HDAC11: variants seen among roughly 807,000 people sequenced by gnomAD.
HDAC11 encodes the protein histone deacetylase 11.
Under a neutral mutation model 41.1 loss-of-function variants are expected in HDAC11, and 23 were observed. The observed-to-expected ratio is 0.56, with a 90% CI of 0.40 to 0.79. HDAC11 has a LOEUF of 0.79. HDAC11 is among the 30% of genes least tolerant of loss of function. HDAC11 has a pLI of 0.00. For missense variants in HDAC11, 402 were observed against 477.3 expected, an observed-to-expected ratio of 0.84 and a Z score of 1.47; for synonymous variants, 187 against 186.6, an observed-to-expected ratio of 1.00 and a Z score of -0.02.
chr3:13,491,810 C>T (rs1360443988), intron 3 of HDAC11, among the ~76,000 whole-genome samples: 1 of 152,238 alleles, frequency 6.6e-6, no homozygotes, highest in African/African-American at 2.4e-5. Context: ...GGCAGACCTC[C>T]CATGCTCACA....
chr3:13,498,548 C>T lies in HDAC11; in HGVS notation c.405C>T (p.Ile135=). Residue 135 remains isoleucine (I), a synonymous_variant, in exon 5 of 10, where the codon ATC becomes ATT. Coordinates refer to ENST00000295757, the MANE Select transcript of HDAC11 (RefSeq NM_024827.4). ...TGGCTGTGGAGCGAGGCTGGGCCAT[C>T]AACGTGGGTGAGTGCTGGGAATGTC... ...GKLAVERGWA[I]NVGGGFHHCS... is the part of the protein sequence containing the mutation. 6.2e-7 allele frequency: 1 copy of T among 1,610,162 alleles called. No homozygotes were observed. The highest frequency in any genetic ancestry group is 2.2e-5 in the East Asian group (1 of 44,618).
rs76727800 is a variant in HDAC11 at position 13,486,267 on chromosome 3, CAA to C, written c.252+2724_252+2725del. On this transcript the variant is annotated intron_variant, in intron 3 of 9. Transcript: ENST00000295757. Reference sequence around the variant, plus strand: ...GGGCAATAAGAGTGAAACTCCATCTCAAAAAAAAAAAAAAAAAAAAAAGAAAA... The same window carrying C: ...GGGCAATAAGAGTGAAACTCCATCTCAAAAAAAAAAAAAAAAAAAAGAAAA... Among the ~76,000 whole-genome samples, 234 of 65,200 alleles carry C rather than the reference CAA, an allele frequency of 3.6e-3. 1 individual carries two copies. The highest frequency in any genetic ancestry group is 9.9e-3 in the African/African-American group (155 of 15,606). 42.8% of individuals were successfully genotyped at this position (65,200 alleles called of 152,430 possible). A position where few individuals can be genotyped will look rare whatever the true frequency, so the allele number is the denominator to read the frequency against.
At chr3:13,498,107 C>T (rs111310001) in intron 4 of HDAC11, among the ~76,000 whole-genome samples, 1,611 of 152,154 alleles carry the variant, frequency 0.011, 23 homozygotes, top group African/African-American at 0.036. Context: ...CCGCCTGCCT[C>T]GGCCTCCCAA....
intron 4 of HDAC11, among the ~76,000 whole-genome samples, chr3:13,497,861 T>TTC (rs199603381): frequency 0.015 from 2,142 of 141,848 alleles, 121 homozygotes; most frequent in Admixed American, 0.1. Flanking sequence ...TTGCTTTTTT[T>TTC]TTTTTTTTTT....
At position 13,481,302 on chromosome 3, in the gene HDAC11, A is replaced by T. The variant is rs140868232; in HGVS notation, c.59A>T (p.Tyr20Phe). Reference sequence around the variant, plus strand: ...CCAGAGACACGCTGGCCAATCGTGTACTCGCCGCGCTACAACATCACCTTC... The same window carrying T: ...CCAGAGACACGCTGGCCAATCGTGTTCTCGCCGCGCTACAACATCACCTTC... ...HVPETRWPIVYSPRYNITFMG... is the reference protein window; with the variant it reads ...HVPETRWPIVFSPRYNITFMG... Residue 20 changes from tyrosine (Y) to phenylalanine (F), a missense_variant, in exon 2 of 10, where the codon TAC becomes TTC. By Grantham distance (22) the Tyr-to-Phe change is conservative (BLOSUM62 3). Transcript: ENST00000295757. 62 of 1,613,146 alleles carry T rather than the reference A, an allele frequency of 3.8e-5. No individual in the cohort carries two copies. Among genetic ancestry groups the T allele is most frequent in the Non-Finnish European group, 5.0e-5 (59 of 1,180,018 alleles).
intron 3 of HDAC11, among the ~76,000 whole-genome samples, chr3:13,485,473 A>G (rs1035905626): frequency 6.6e-6 from 1 of 152,184 alleles, no homozygotes; most frequent in African/African-American, 2.4e-5. Flanking sequence ...GGAGAAACCA[A>G]AACAGAATGG....
intron 5 of HDAC11, among the ~76,000 whole-genome samples, chr3:13,499,479 C>T (rs762524355): frequency 7.2e-5 from 11 of 152,190 alleles, no homozygotes; most frequent in Admixed American, 2.0e-4. Flanking sequence ...CGGCCTTCAC[C>T]CAGACTCTTA....
chr3:13,481,377 T>G lies in HDAC11; in HGVS notation c.134T>G (p.Val45Gly), dbSNP rs1244103571. The G allele has an allele frequency of 6.2e-7, 1 of 1,613,908 alleles. No individual in the cohort carries two copies. Among genetic ancestry groups the G allele is most frequent in the Non-Finnish European group, 8.5e-7 (1 of 1,180,004 alleles). The change falls in exon 2 of 10, where the codon GTG becomes GGG. Residue 45 changes from valine to glycine, a missense_variant. Transcript: ENST00000295757. ...TTTGATGCCGGAAAATGGGGCAAAGTGATCAATTTCCTAAAAGGTATGGAA... is the reference window on the plus strand; with the variant it reads ...TTTGATGCCGGAAAATGGGGCAAAGGGATCAATTTCCTAAAAGGTATGGAA... ...HPFDAGKWGK[V>G]INFLKEEKLL...
At chr3:13,493,353 G>T (rs1330684614) in intron 3 of HDAC11, among the ~76,000 whole-genome samples, 1 of 152,084 alleles carries the variant, frequency 6.6e-6, no homozygotes. Context: ...CCACTAGTCC[G>T]CCCCACCCAC....
intron 5 of HDAC11, 79 bp downstream of exon 5, chr3:13,498,634 G>A: frequency 1.2e-6 from 1 of 825,348 alleles, no homozygotes; most frequent in Non-Finnish European, 2.0e-6. Context: ...GGGAGGGCGG[G>A]AGGATCCTGG....
chr3:13,502,815 G>A lies in HDAC11; in HGVS notation c.553-69G>A, dbSNP rs1702433267. ...CAAATGGGGAGTTTCCTGAGGGGTG[G>A]GTGGGTGGCAGAGCCCCAGCCTTGC... On this transcript the variant is annotated intron_variant, in intron 7 of 9. Transcript: ENST00000295757. This position sits in a 1 kb window ranked among gnomAD's most constrained non-coding sequence, Gnocchi z 4.1. 2.5e-6 allele frequency: 3 copies of A among 1,219,196 alleles called. No individual in the cohort carries two copies. The highest frequency in any genetic ancestry group is 1.5e-5 in the African/African-American group (1 of 67,156). 75.5% of individuals were successfully genotyped at this position (1,219,196 alleles called of 1,614,324 possible).
At chr3:13,497,479 C>T (rs1702153460) in intron 4 of HDAC11, among the ~76,000 whole-genome samples, 1 of 152,124 alleles carries the variant, frequency 6.6e-6, no homozygotes, top group South Asian at 2.1e-4. Flanking sequence ...CATGCCCAGC[C>T]CTAATGCACC....
intron 3 of HDAC11, among the ~76,000 whole-genome samples, chr3:13,487,244 A>G (rs1701638499): frequency 1.3e-5 from 2 of 152,112 alleles, no homozygotes; most frequent in African/African-American, 4.8e-5. Context: ...GATGTCTGCA[A>G]TGTTTCTTTT....
At position 13,500,778 on chromosome 3, in the gene HDAC11, C is replaced by G; in HGVS notation, c.478C>G (p.Leu160Val). ...CTTCTGTGCCTATGCGGACATCACGCTCGCCATCAAGGTGTGTCTATGAGC... is the reference window on the plus strand; with the variant it reads ...CTTCTGTGCCTATGCGGACATCACGGTCGCCATCAAGGTGTGTCTATGAGC... ...GGFCAYADIT[L>V]AIKFLFERVE... Residue 160 changes from leucine (L) to valine (V), a missense_variant, in exon 6 of 10, where the codon CTC becomes GTC. By Grantham distance (32) the Leu-to-Val change is conservative (BLOSUM62 1). Transcript: ENST00000295757. 1 of 1,574,852 alleles carries G rather than the reference C, an allele frequency of 6.3e-7. No homozygotes were observed. The highest frequency in any genetic ancestry group is 2.3e-5 in the East Asian group (1 of 43,620).
intron 3 of HDAC11, among the ~76,000 whole-genome samples, chr3:13,486,910 A>G (rs2125001534): frequency 6.6e-6 from 1 of 152,268 alleles, no homozygotes; most frequent in South Asian, 2.1e-4. Flanking sequence ...AGAATGTTTC[A>G]GAATCCCAGG....
chr3:13,487,994 TGGGAA>T (rs1371058418), intron 3 of HDAC11, among the ~76,000 whole-genome samples: 1 of 151,144 alleles, frequency 6.6e-6, no homozygotes, highest in African/African-American at 2.4e-5. Flanking sequence ...AGGTGACATG[TGGGAA>T]GGGAGTGAGG....
At chr3:13,493,297 T>C (rs1220171162) in intron 3 of HDAC11, among the ~76,000 whole-genome samples, 1 of 152,056 alleles carries the variant, frequency 6.6e-6, no homozygotes, top group African/African-American at 2.4e-5. Context: ...TAGAGCCTGC[T>C]CTAGCCCAGG....
chr3:13,480,933 C>CA lies in HDAC11; in HGVS notation c.3-312dup, dbSNP rs1301227523. On this transcript the variant is annotated intron_variant, in intron 1 of 9. Transcript: ENST00000295757. The surrounding 1 kb of genome is among the most constrained non-coding windows in gnomAD (Gnocchi z 4.6). ...GCAGAGGTGATGCGCGGAGGCCTTG[C>CA]AGCCAGACACACCTGAGTGCACGCC... is the stretch of plus-strand genomic sequence containing the variant. The CA allele has an allele frequency of 6.5e-6, 3 of 460,084 alleles. No homozygotes were observed. Among genetic ancestry groups the CA allele is most frequent in the Middle Eastern group, 3.1e-4 (1 of 3,222 alleles). 28.5% of individuals were successfully genotyped at this position (460,084 alleles called of 1,614,324 possible).
At position 13,492,262 on chromosome 3, in the gene HDAC11, C is replaced by T. The variant is rs530346636; in HGVS notation, c.253-4474C>T. ...TTACAGGCCCTTGTCAGTCATGGCT[C>T]TCCTGGGATGATGCAGGTGAGGTGG... On this transcript the variant is annotated intron_variant, in intron 3 of 9. Coordinates refer to ENST00000295757, the MANE Select transcript of HDAC11 (RefSeq NM_024827.4). Among the ~76,000 whole-genome samples the T allele has an allele frequency of 3.3e-5, 5 of 152,282 alleles. No homozygotes were observed. The East Asian group carries it at 9.7e-4, about 29-fold the overall frequency.
Sources: allele counts gnomAD v4.1 joint callset (sites outside exome capture counted in the v4.1 genomes callset), GRCh38; gene constraint gnomAD v4.1.1; non-coding constraint Gnocchi (gnomAD v3.1); transcripts MANE v1.5; gene names NCBI Gene and HGNC (gene_info 2026-07-23, HGNC 2026-07-21).